The following PDE3A variants were observed in gnomAD, a reference collection of about 807,000 sequenced individuals.
The protein encoded by PDE3A is cGMP-inhibited 3',5'-cyclic phosphodiesterase 3A.
A neutral mutation model predicts 98.3 loss-of-function variants in PDE3A; 43 were observed. The observed-to-expected ratio is 0.44, with a 90% CI of 0.34 to 0.56. The LOEUF (loss-of-function observed/expected upper bound fraction) is 0.56, where lower values mean the gene tolerates loss of function less well. Ranked by LOEUF, PDE3A falls within the 20% of genes least tolerant of loss-of-function variation. The probability of loss-of-function intolerance (pLI) is 0.01; values close to 1 mark genes in which losing one functional copy is unlikely to be tolerated. For synonymous variants in PDE3A, 663 were observed against 567.9 expected (o/e 1.17, Z -2.38); for missense variants, 1,427 against 1,440.7 (o/e 0.99, Z 0.15).
intron 2 of PDE3A, among the ~76,000 whole-genome samples, chr12:20,607,953 TAATTA>T (rs750809950): frequency 1.6e-4 from 25 of 152,190 alleles, no homozygotes; most frequent in Admixed American, 1.1e-3. Flanking sequence ...CCTCAATATT[TAATTA>T]TATTATTTTT....
At chr12:20,474,165 A>G (rs1945487005) in intron 1 of PDE3A, among the ~76,000 whole-genome samples, 1 of 152,176 alleles carries the variant, frequency 6.6e-6, no homozygotes, top group Non-Finnish European at 1.5e-5. Context: ...AATGAAATTT[A>G]CTGTGGTTTT....
chr12:20,487,052 A>T (rs544809502), intron 1 of PDE3A, among the ~76,000 whole-genome samples: 10 of 152,336 alleles, frequency 6.6e-5, no homozygotes, highest in African/African-American at 2.4e-4. Context: ...AATTATTGAA[A>T]TAATCAATGC....
intron 1 of PDE3A, among the ~76,000 whole-genome samples, chr12:20,451,283 AT>A (rs1175674627): frequency 6.6e-6 from 1 of 151,718 alleles, no homozygotes; most frequent in Non-Finnish European, 1.5e-5. Flanking sequence ...TTTTATTTTT[AT>A]TTTTTTCGAG....
intron 6 of PDE3A, 39 bp from the exon 7 acceptor site, chr12:20,633,654 A>G (rs1394156232): frequency 1.6e-6 from 2 of 1,215,084 alleles, no homozygotes; most frequent in Admixed American, 2.2e-5. Context: ...CTTTTTGAAA[A>G]GAGGAGGCTA....
intron 15 of PDE3A, among the ~76,000 whole-genome samples, chr12:20,663,097 G>A (rs532413428): frequency 3.9e-4 from 60 of 152,330 alleles, no homozygotes; most frequent in Non-Finnish European, 5.9e-4. Flanking sequence ...GTGCAAGCCC[G>A]AAGCCTTGGC....
intron 1 of PDE3A, among the ~76,000 whole-genome samples, chr12:20,439,355 A>G (rs1944830525): frequency 1.3e-5 from 2 of 152,208 alleles, no homozygotes; most frequent in Admixed American, 6.5e-5. Flanking sequence ...GTCTGTTTAT[A>G]TCCACATATC....
intron 1 of PDE3A, among the ~76,000 whole-genome samples, chr12:20,513,038 A>G (rs1946256648): frequency 6.6e-6 from 1 of 152,052 alleles, no homozygotes; most frequent in Non-Finnish European, 1.5e-5. Flanking sequence ...CTGCTTTGCC[A>G]AAGGATGTTG....
chr12:20,633,132 G>C (rs970732643), intron 6 of PDE3A, among the ~76,000 whole-genome samples: 5 of 151,894 alleles, frequency 3.3e-5, no homozygotes, highest in Non-Finnish European at 1.5e-5. Context: ...TGTATTTTTA[G>C]TAGAGATGGG....
intron 15 of PDE3A, among the ~76,000 whole-genome samples, chr12:20,660,317 A>G (rs867336642): frequency 1.1e-4 from 17 of 152,194 alleles, no homozygotes; most frequent in Non-Finnish European, 2.2e-4. Flanking sequence ...GGAGTTCTTT[A>G]TAGCAGTGTG....
At chr12:20,610,058 A>G (rs1028190579) in intron 2 of PDE3A, among the ~76,000 whole-genome samples, 1 of 152,006 alleles carries the variant, frequency 6.6e-6, no homozygotes, top group Non-Finnish European at 1.5e-5. Context: ...GGCCACATCA[A>G]ACTAAATAGC....
At chr12:20,601,812 T>C (rs929247399) in intron 2 of PDE3A, among the ~76,000 whole-genome samples, 4 of 152,114 alleles carry the variant, frequency 2.6e-5, no homozygotes, top group Admixed American at 2.6e-4. Context: ...TGCCTGTTAA[T>C]GAGGCAGTAG....
In PDE3A at chr12:20,556,280, G is replaced by A. The variant is rs565018955; in HGVS notation, c.961-380G>A. On this transcript the variant is annotated intron_variant, in intron 1 of 15. Transcript: ENST00000359062. ...ATTATTGAACTGATTTGGCCTTCTG[G>A]TTCTTATCATTTGCGGCAGTAGATT... Among the ~76,000 whole-genome samples the A allele has an allele frequency of 3.9e-5, 6 of 152,040 alleles. No individual in the cohort carries two copies. In the East Asian group the frequency reaches 7.7e-4, roughly 20 times the overall value.
intron 1 of PDE3A, among the ~76,000 whole-genome samples, chr12:20,443,592 G>A (rs370468055): frequency 7.2e-5 from 11 of 151,950 alleles, no homozygotes; most frequent in Non-Finnish European, 1.0e-4. Flanking sequence ...AACTCTTTTC[G>A]TTTGCTGTGT....
intron 1 of PDE3A, among the ~76,000 whole-genome samples, chr12:20,439,806 C>T (rs1944840610): frequency 6.6e-6 from 1 of 151,992 alleles, no homozygotes; most frequent in Non-Finnish European, 1.5e-5. Flanking sequence ...ACAGATTTTC[C>T]ATGACAGAAT....
intron 1 of PDE3A, among the ~76,000 whole-genome samples, chr12:20,432,193 C>G (rs537509828): frequency 1.3e-5 from 2 of 152,254 alleles, no homozygotes; most frequent in Non-Finnish European, 2.9e-5. Context: ...CTTAGATACT[C>G]TTTTCAATGA....
At chr12:20,585,696 G>A (rs1416310012) in intron 2 of PDE3A, among the ~76,000 whole-genome samples, 1 of 152,174 alleles carries the variant, frequency 6.6e-6, no homozygotes, top group Non-Finnish European at 1.5e-5. Context: ...GATAGTATAT[G>A]TTCAATAAAT....
intron 5 of PDE3A, among the ~76,000 whole-genome samples, chr12:20,625,332 T>C (rs1443132040): frequency 6.6e-6 from 1 of 152,240 alleles, no homozygotes; most frequent in Non-Finnish European, 1.5e-5. Context: ...GCTTTAAAAA[T>C]TCCTTGAATT....
chr12:20,510,175 T>A (rs1199156239), intron 1 of PDE3A, among the ~76,000 whole-genome samples: 1 of 152,100 alleles, frequency 6.6e-6, no homozygotes, highest in African/African-American at 2.4e-5. Context: ...TAGCTGATTT[T>A]TAACATAGTT....
intron 10 of PDE3A, among the ~76,000 whole-genome samples, chr12:20,643,162 G>A (rs1428440102): frequency 2.6e-5 from 4 of 152,134 alleles, no homozygotes; most frequent in African/African-American, 9.7e-5. Flanking sequence ...ATGAGTGAAG[G>A]TGTCATCGAG....
Sources: gnomAD v4.1 joint callset for allele counts (sites outside exome capture counted in the v4.1 genomes callset) on GRCh38, gnomAD v4.1.1 for gene constraint, MANE v1.5 for transcripts, NCBI Gene and HGNC (gene_info 2026-07-23, HGNC 2026-07-21) for gene names.